Variants in ERN1 observed in about 807,000 individuals in gnomAD.
ERN1 encodes the protein endoplasmic reticulum to nucleus signaling 1, also known as serine/threonine-protein kinase/endoribonuclease IRE1.
Under a neutral mutation model 113.1 loss-of-function variants are expected in ERN1, and 39 were observed. The observed-to-expected ratio is 0.34, with a 90% CI of 0.27 to 0.45. The LOEUF (loss-of-function observed/expected upper bound fraction) is 0.45, where lower values mean the gene tolerates loss of function less well. Ranked by LOEUF, ERN1 falls within the 20% of genes least tolerant of loss-of-function variation. The probability of loss-of-function intolerance (pLI) is 1.00; values close to 1 mark genes in which losing one functional copy is unlikely to be tolerated. For synonymous variants in ERN1, 507 were observed against 515.9 expected (o/e 0.98, Z 0.23); for missense variants, 976 against 1,274.8 (o/e 0.77, Z 3.57).
Position 64,044,010 on chromosome 17 carries a change from G to A in ERN1, c.2912C>T (p.Pro971Leu), listed in dbSNP as rs551030753. 6.2e-7 allele frequency: 1 copy of A among 1,611,902 alleles called. No homozygotes were observed. Among genetic ancestry groups the A allele is most frequent in the Non-Finnish European group, 8.5e-7 (1 of 1,178,814 alleles). Residue 971 changes from proline to leucine, a missense_variant, in exon 22 of 22, where the codon CCA (proline) becomes CTA (leucine). By Grantham distance (98) the Pro-to-Leu change is moderately conservative. Coordinates refer to ENST00000433197, the MANE Select transcript of ERN1 (RefSeq NM_001433.5). The surrounding 1 kb of genome is among the most constrained non-coding windows in gnomAD (Gnocchi z 4.1). ...YFHEPPEPQPPVTPDAL is the reference protein window; with the variant it reads ...YFHEPPEPQPLVTPDAL ...CGCTCAGAGGGCGTCTGGAGTCACT[G>A]GGGGCTGGGGCTCTGGGGGCTCGTG...
intron 1 of ERN1, among the ~76,000 whole-genome samples, chr17:64,125,418 C>T (rs893301651): frequency 4.6e-5 from 7 of 152,158 alleles, no homozygotes; most frequent in Non-Finnish European, 7.4e-5. Context: ...GGCTTATTAC[C>T]ACATCAACCC....
At chr17:64,085,121 C>T (rs987648891) in intron 2 of ERN1, among the ~76,000 whole-genome samples, 2 of 152,216 alleles carry the variant, frequency 1.3e-5, no homozygotes, top group Non-Finnish European at 2.9e-5. Context: ...ACCTGACACA[C>T]AGGTGGTAAC....
chr17:64,129,810 CCGCCTCCTA>C, intron 1 of ERN1, 157 bp downstream of exon 1: 2 of 555,410 alleles, frequency 3.6e-6, no homozygotes, highest in Non-Finnish European at 5.4e-6. Context: ...CGGCCCGGTG[CCGCCTCCTA>C]CGCCCGGCCC....
At chr17:64,129,922 C>A in intron 1 of ERN1, 54 bp downstream of exon 1, 1 of 1,368,132 alleles carries the variant, frequency 7.3e-7, no homozygotes. Flanking sequence ...GCTGCCCCGG[C>A]CCCGACCCGG....
At chr17:64,124,541 T>C (rs1451835502) in intron 1 of ERN1, among the ~76,000 whole-genome samples, 3 of 152,134 alleles carry the variant, frequency 2.0e-5, no homozygotes, top group African/African-American at 7.2e-5. Context: ...GTATTAAAAA[T>C]GGGAAGCTCC....
At chr17:64,127,415 CAT>C (rs1234785503) in intron 1 of ERN1, among the ~76,000 whole-genome samples, 2 of 152,136 alleles carry the variant, frequency 1.3e-5, no homozygotes, top group East Asian at 1.9e-4. Flanking sequence ...CCTTCTTTCA[CAT>C]GTTAGCTGTC....
intron 2 of ERN1, among the ~76,000 whole-genome samples, chr17:64,095,451 G>GAA (rs1914204054): frequency 1.3e-5 from 2 of 152,028 alleles, no homozygotes. Context: ...GAAAAGAAAA[G>GAA]AAATTATTAG....
intron 19 of ERN1, among the ~76,000 whole-genome samples, chr17:64,046,214 G>A (rs916844387): frequency 2.6e-5 from 4 of 152,194 alleles, no homozygotes; most frequent in Admixed American, 6.5e-5. Flanking sequence ...TGAAGATGAA[G>A]CCAGACTGGC....
chr17:64,118,516 G>A lies in ERN1; in HGVS notation c.54+11460C>T, dbSNP rs561281354. Among the ~76,000 whole-genome samples the A allele has an allele frequency of 4.3e-4, 65 of 152,330 alleles. 2 individuals carry two copies. In the South Asian group the frequency reaches 7.5e-3, roughly 17 times the overall value. ...GCCCTGGTGCTGGAGTCCACACAGC[G>A]CTTTCAGGCCAGGTGCCAAGCCCCA... is the stretch of plus-strand genomic sequence containing the variant. On this transcript the variant is annotated intron_variant, in intron 1 of 21. Transcript: ENST00000433197.
chr17:64,121,638 C>T (rs1461112009), intron 1 of ERN1, among the ~76,000 whole-genome samples: 1 of 152,064 alleles, frequency 6.6e-6, no homozygotes, highest in Non-Finnish European at 1.5e-5. Context: ...TACAGGTGCC[C>T]GCCACCATGC....
chr17:64,104,982 C>A (rs1355528758), intron 1 of ERN1, among the ~76,000 whole-genome samples: 1 of 151,348 alleles, frequency 6.6e-6, no homozygotes, highest in Non-Finnish European at 1.5e-5. Flanking sequence ...AAAACTGGAG[C>A]ATCTTATCCC....
intron 2 of ERN1, among the ~76,000 whole-genome samples, chr17:64,090,513 C>G (rs1598072935): frequency 6.6e-6 from 1 of 152,324 alleles, no homozygotes; most frequent in East Asian, 1.9e-4. Flanking sequence ...TCACAGAATT[C>G]ATTCCTGAGT....
intron 2 of ERN1, among the ~76,000 whole-genome samples, chr17:64,093,214 G>A (rs1914136785): frequency 6.6e-6 from 1 of 152,156 alleles, no homozygotes. Flanking sequence ...TGGAGTTGCA[G>A]GCCTCTATTC....
At chr17:64,110,168 A>ACAATACAC (rs1407136912) in intron 1 of ERN1, among the ~76,000 whole-genome samples, 1 of 152,198 alleles carries the variant, frequency 6.6e-6, no homozygotes, top group Non-Finnish European at 1.5e-5. Context: ...AAAAATTCCT[A>ACAATACAC]CAATACACAC....
At position 64,053,317 on chromosome 17, in the gene ERN1, G is replaced by A; in HGVS notation, c.2008C>T (p.Gln670Ter). 6.2e-7 allele frequency: 1 copy of A among 1,611,910 alleles called. No homozygotes were observed. Among genetic ancestry groups the A allele is most frequent in the Non-Finnish European group, 8.5e-7 (1 of 1,179,302 alleles). Residue 670 changes from glutamine (Q) to a stop codon, truncating the protein, a stop_gained, in exon 16 of 22, where the codon CAG becomes TAG. Coordinates refer to ENST00000433197, the MANE Select transcript of ERN1 (RefSeq NM_001433.5). LOFTEE classifies it high-confidence loss of function. ...HLGLEPITLL[Q>*]QTTSGLAHLH... is the part of the protein sequence containing the mutation. ...TGGGCCAGGCCCGAGGTGGTCTGCT[G>A]CAGCAAGGTGATGGGCTCCAGGCCG...
chr17:64,128,008 T>C (rs973764578), intron 1 of ERN1, among the ~76,000 whole-genome samples: 18 of 123,150 alleles, frequency 1.5e-4, no homozygotes, highest in African/African-American at 5.9e-4. Context: ...CTGACCTTTC[T>C]TTTTTTTTTT....
At chr17:64,091,642 C>T (rs1365377842) in intron 2 of ERN1, among the ~76,000 whole-genome samples, 1 of 152,152 alleles carries the variant, frequency 6.6e-6, no homozygotes, top group Non-Finnish European at 1.5e-5. Flanking sequence ...GCTTGTCTAA[C>T]ATTGCAGGCT....
Position 64,053,329 on chromosome 17 carries a change from T to C in ERN1, c.1996A>G (p.Ile666Val). 2 of 1,612,084 alleles carry C rather than the reference T, an allele frequency of 1.2e-6. No homozygotes were observed. Among genetic ancestry groups the C allele is most frequent in the Non-Finnish European group, 1.7e-6 (2 of 1,179,216 alleles). Reference sequence around the variant, plus strand: ...GAGGTGGTCTGCTGCAGCAAGGTGATGGGCTCCAGGCCGAGATGCGCAAAG... The same window carrying C: ...GAGGTGGTCTGCTGCAGCAAGGTGACGGGCTCCAGGCCGAGATGCGCAAAG... The part of the protein sequence containing the change: ...KDFAHLGLEP[I>V]TLLQQTTSGL... Residue 666 changes from isoleucine (I) to valine (V), a missense_variant, in exon 16 of 22, where the codon ATC becomes GTC. Ile to Val is a conservative substitution (Grantham distance 29, BLOSUM62 3). Around this residue, in one of 5 missense-constraint regions of ERN1, gnomAD observed 297 missense variants for 457.8 expected, o/e 0.65. Coordinates refer to ENST00000433197, the MANE Select transcript of ERN1 (RefSeq NM_001433.5).
Position 64,044,030 on chromosome 17 carries a change from C to T in ERN1, c.2892G>A (p.Glu964=). 4 of 1,613,282 alleles carry T rather than the reference C, an allele frequency of 2.5e-6. No individual in the cohort carries two copies. The highest frequency in any genetic ancestry group is 3.4e-6 in the Non-Finnish European group (4 of 1,179,684). Residue 964 remains glutamate, a synonymous_variant, in exon 22 of 22, where the codon GAG becomes GAA. Coordinates refer to ENST00000433197, the MANE Select transcript of ERN1 (RefSeq NM_001433.5). This position sits in a 1 kb window ranked among gnomAD's most constrained non-coding sequence, Gnocchi z 4.1. ...TCACTGGGGGCTGGGGCTCTGGGGG[C>T]TCGTGGAAGTAGTAGGGCTGGAAGA... ...ERLFQPYYFH[E]PPEPQPPVTP...
Sources: allele counts gnomAD v4.1 joint callset (sites outside exome capture counted in the v4.1 genomes callset), GRCh38; gene constraint gnomAD v4.1.1; regional missense constraint gnomAD v4.1.1; non-coding constraint Gnocchi (gnomAD v3.1); transcripts MANE v1.5; gene names NCBI Gene and HGNC (gene_info 2026-07-23, HGNC 2026-07-21).